The following LRP1B variants were observed in gnomAD, a reference collection of about 807,000 sequenced individuals.
LRP1B encodes the protein LDL receptor related protein 1B.
Under a neutral mutation model 556.6 loss-of-function variants are expected in LRP1B, and 217 were observed. The observed-to-expected ratio is 0.39, with a 90% CI of 0.35 to 0.44. The LOEUF is 0.44. LRP1B is among the 20% of genes least tolerant of loss of function. The pLI is 1.00. For synonymous variants in LRP1B, 2,047 were observed against 1,865.8 expected (o/e 1.10, Z -2.50); for missense variants, 5,053 against 5,620.8 (o/e 0.90, Z 3.23).
intron 84 of LRP1B, among the ~76,000 whole-genome samples, chr2:140,282,666 C>T (rs1056526541): frequency 2.3e-4 from 35 of 151,670 alleles, no homozygotes; most frequent in African/African-American, 8.5e-4. Context: ...GAAGTCTGCA[C>T]GATAATGACA....
At chr2:141,869,228 A>G (rs1698506245) in intron 1 of LRP1B, among the ~76,000 whole-genome samples, 1 of 151,988 alleles carries the variant, frequency 6.6e-6, no homozygotes, top group African/African-American at 2.4e-5. Flanking sequence ...GTAGCTATTG[A>G]GCAGCTGAAA....
At chr2:141,101,207 A>C (rs1700451935) in intron 7 of LRP1B, among the ~76,000 whole-genome samples, 1 of 152,168 alleles carries the variant, frequency 6.6e-6, no homozygotes, top group Non-Finnish European at 1.5e-5. Flanking sequence ...AACCAGATCA[A>C]GACAGAGCAG....
chr2:140,956,301 T>C (rs1355399376), intron 18 of LRP1B, among the ~76,000 whole-genome samples: 1 of 151,750 alleles, frequency 6.6e-6, no homozygotes, highest in African/African-American at 2.4e-5. Flanking sequence ...TACAACACTC[T>C]GATCAATGCC....
chr2:140,669,380 G>T (rs2105355160), intron 41 of LRP1B, among the ~76,000 whole-genome samples: 1 of 152,186 alleles, frequency 6.6e-6, no homozygotes, highest in East Asian at 1.9e-4. Flanking sequence ...TATTAGGATG[G>T]GTTAATAGCA....
rs201190971 is a variant in LRP1B, at chr2:140,270,265, G to A, written c.13224C>T (p.Pro4408=). 1.9e-5 allele frequency: 31 copies of A among 1,611,624 alleles called. No homozygotes were observed. Among genetic ancestry groups the A allele is most frequent in the African/African-American group, 8.0e-5 (6 of 74,732 alleles). Residue 4408 remains proline, a synonymous_variant, in exon 86 of 91, where the codon CCC becomes CCT. Coordinates refer to ENST00000389484, the MANE Select transcript of LRP1B (RefSeq NM_018557.3). ...CYNGGTCQLD[P]ETNVPVCLCS... is the part of the protein sequence containing the mutation. ...ACAGACACACAGGTACATTTGTCTC[G>A]GGGTCCAGCTGGCATGTGCCACCAT... is the stretch of plus-strand genomic sequence containing the variant.
At chr2:140,959,337 T>C (rs1695967094) in intron 18 of LRP1B, among the ~76,000 whole-genome samples, 1 of 151,606 alleles carries the variant, frequency 6.6e-6, no homozygotes. Flanking sequence ...AAGAAACTAG[T>C]TGACTGAAAA....
At chr2:140,565,928 C>T (rs750004124) in intron 43 of LRP1B, among the ~76,000 whole-genome samples, 4 of 152,174 alleles carry the variant, frequency 2.6e-5, no homozygotes, top group Non-Finnish European at 4.4e-5. Context: ...CTGGGGACCC[C>T]CGCAGTCCTC....
At chr2:140,933,709 A>G (rs1695120275) in intron 20 of LRP1B, among the ~76,000 whole-genome samples, 1 of 152,146 alleles carries the variant, frequency 6.6e-6, no homozygotes, top group Non-Finnish European at 1.5e-5. Flanking sequence ...GGTGAACCCA[A>G]TACCAATTTT....
At chr2:141,947,482 G>T (rs1700986735) in intron 1 of LRP1B, among the ~76,000 whole-genome samples, 1 of 151,796 alleles carries the variant, frequency 6.6e-6, no homozygotes, top group African/African-American at 2.4e-5. Context: ...AAAGGTGAAT[G>T]AACTGTGCCC....
At chr2:142,039,048 T>C (rs1374926643) in intron 1 of LRP1B, among the ~76,000 whole-genome samples, 6 of 151,504 alleles carry the variant, frequency 4.0e-5, no homozygotes, top group Non-Finnish European at 4.4e-5. Flanking sequence ...AAAGAAATGA[T>C]TCACACCTGA....
chr2:141,271,773 A>G (rs1333708635), intron 3 of LRP1B, among the ~76,000 whole-genome samples: 1 of 79,430 alleles, frequency 1.3e-5, no homozygotes, highest in Non-Finnish European at 3.4e-5. Flanking sequence ...AACCATATGA[A>G]AAAAAAAAAA....
At chr2:141,840,730 C>T (rs1697440338) in intron 1 of LRP1B, among the ~76,000 whole-genome samples, 1 of 152,054 alleles carries the variant, frequency 6.6e-6, no homozygotes, top group African/African-American at 2.4e-5. Flanking sequence ...TAAATTAGCA[C>T]TGCCAGACAA....
chr2:141,404,321 CT>C (rs200738789), intron 3 of LRP1B, among the ~76,000 whole-genome samples: 2 of 151,924 alleles, frequency 1.3e-5, no homozygotes, highest in South Asian at 4.2e-4. Context: ...AATCAGTTTT[CT>C]TTTTTTTGCT....
At chr2:142,079,447 A>G (rs1206162136) in intron 1 of LRP1B, among the ~76,000 whole-genome samples, 1 of 152,144 alleles carries the variant, frequency 6.6e-6, no homozygotes, top group Non-Finnish European at 1.5e-5. Flanking sequence ...ATCTTAACCA[A>G]GTATTCAAAA....
chr2:141,215,427 G>A (rs1184461834), intron 6 of LRP1B, among the ~76,000 whole-genome samples: 2 of 152,130 alleles, frequency 1.3e-5, no homozygotes, highest in Non-Finnish European at 2.9e-5. Context: ...TTGCTATAAA[G>A]ATACCAGAAA....
chr2:140,280,252 G>C (rs1682858615), intron 84 of LRP1B, among the ~76,000 whole-genome samples: 1 of 151,776 alleles, frequency 6.6e-6, no homozygotes, highest in South Asian at 2.1e-4. Context: ...TTGAAATTCA[G>C]CTTAGTAATT....
At chr2:141,124,363 T>C (rs1369668480) in intron 7 of LRP1B, among the ~76,000 whole-genome samples, 1 of 152,164 alleles carries the variant, frequency 6.6e-6, no homozygotes, top group African/African-American at 2.4e-5. Context: ...CTATGATAGT[T>C]AGAATGCTTT....
rs775342982 is a variant in LRP1B, at chr2:140,813,745, T to C, written c.5271A>G (p.Ile1757Met). 6 of 1,609,294 alleles carry C rather than the reference T, an allele frequency of 3.7e-6. No homozygotes were observed. Among genetic ancestry groups the C allele is most frequent in the Non-Finnish European group, 5.1e-6 (6 of 1,175,754 alleles). Reference protein sequence around the residue: ...LYWISSGNGTINRCNLDGGNL... With the variant: ...LYWISSGNGTMNRCNLDGGNL... Reference sequence around the variant, plus strand: ...TACCACCATCCAGGTTGCATCTATTTATGGTTCCATTCCCTGAACTGATCC... The same window carrying C: ...TACCACCATCCAGGTTGCATCTATTCATGGTTCCATTCCCTGAACTGATCC... The change falls in exon 32 of 91, where the codon ATA becomes ATG. Residue 1757 changes from isoleucine to methionine, a missense_variant. Ile to Met is a conservative substitution (Grantham distance 10). This residue lies in a region of LRP1B where 3,619 missense variants were observed against 3,931.9 expected (regional missense o/e 0.92). Transcript: ENST00000389484.
chr2:140,324,009 G>A lies in LRP1B; in HGVS notation c.12398C>T (p.Pro4133Leu), dbSNP rs754228687. 6.2e-7 allele frequency: 1 copy of A among 1,609,906 alleles called. No individual in the cohort carries two copies. Among genetic ancestry groups the A allele is most frequent in the Non-Finnish European group, 8.5e-7 (1 of 1,176,884 alleles). The change falls in exon 81 of 91, where the codon CCT becomes CTT. Residue 4133 changes from proline (P) to leucine (L), a missense_variant. This residue lies in a region of LRP1B where 551 missense variants were observed against 592.0 expected (regional missense o/e 0.93). Transcript: ENST00000389484. Reference protein sequence around the residue: ...IFEDYIYGAGPKNGVFRVQKF... With the variant: ...IFEDYIYGAGLKNGVFRVQKF... ...TTGAACTCGAAATACACCATTTTTAGGTCCTGCTCCATATATATAATCTTC... is the reference window on the plus strand; with the variant it reads ...TTGAACTCGAAATACACCATTTTTAAGTCCTGCTCCATATATATAATCTTC...
Sources: gnomAD v4.1 joint callset for allele counts (sites outside exome capture counted in the v4.1 genomes callset) on GRCh38, gnomAD v4.1.1 for gene constraint, gnomAD v4.1.1 regional missense constraint, MANE v1.5 for transcripts, NCBI Gene and HGNC (gene_info 2026-07-23, HGNC 2026-07-21) for gene names.